ABCC4: variants seen among roughly 807,000 people sequenced by gnomAD.
ABCC4 encodes the protein ATP binding cassette subfamily C member 4 (PEL blood group).
In ABCC4, 102 loss-of-function variants were observed where a neutral mutation model predicts 168.5. The observed-to-expected ratio is 0.61, with a 90% confidence interval of 0.52 to 0.71. The LOEUF is 0.71. Among genes scored for constraint, ABCC4 ranks in the 30% least tolerant of loss-of-function variants. ABCC4 has a pLI of 0.00. For missense variants in ABCC4, 1,402 were observed against 1,605.8 expected (o/e 0.87, Z 2.17); for synonymous variants, 617 against 590.7 (o/e 1.04, Z -0.65).
At chr13:95,173,899 T>C (rs2037568606) in intron 13 of ABCC4, among the ~76,000 whole-genome samples, 1 of 152,234 alleles carries the variant, frequency 6.6e-6, no homozygotes, top group South Asian at 2.1e-4. Context: ...CAGCTGTCTA[T>C]GAACCAGAGC....
intron 4 of ABCC4, among the ~76,000 whole-genome samples, chr13:95,220,153 A>C (rs2039273804): frequency 6.6e-6 from 1 of 150,500 alleles, no homozygotes; most frequent in Non-Finnish European, 1.5e-5. Context: ...GGTGTGAACC[A>C]ACGTGCCCAG....
intron 26 of ABCC4, among the ~76,000 whole-genome samples, chr13:95,061,749 A>C (rs372027779): frequency 5.3e-5 from 8 of 152,098 alleles, no homozygotes; most frequent in African/African-American, 1.9e-4. Flanking sequence ...GGAGGTGTTA[A>C]AGTGAAGGAC....
chr13:95,276,049 T>C (rs1213210776), intron 1 of ABCC4, among the ~76,000 whole-genome samples: 1 of 152,132 alleles, frequency 6.6e-6, no homozygotes, highest in Non-Finnish European at 1.5e-5. Context: ...ACATGGTCTG[T>C]TAAAGGGCTT....
At chr13:95,041,309 A>AACTC (rs1346792584) in intron 29 of ABCC4, among the ~76,000 whole-genome samples, 12 of 152,234 alleles carry the variant, frequency 7.9e-5, no homozygotes, top group African/African-American at 2.7e-4. Flanking sequence ...AACTGGGTAA[A>AACTC]TCCCTTTGGA....
chr13:95,059,125 G>T (rs1232948780), intron 26 of ABCC4, among the ~76,000 whole-genome samples: 1 of 152,214 alleles, frequency 6.6e-6, no homozygotes, highest in Non-Finnish European at 1.5e-5. Context: ...GTTCTGATCG[G>T]GGACTGCGCC....
chr13:95,291,009 A>AAAAG (rs1394530639), intron 1 of ABCC4, among the ~76,000 whole-genome samples: 2 of 123,354 alleles, frequency 1.6e-5, no homozygotes, highest in African/African-American at 2.6e-5. Context: ...AAAAAAAAAA[A>AAAAG]AGAGGAAACC....
intron 1 of ABCC4, among the ~76,000 whole-genome samples, chr13:95,248,778 G>T (rs1037061431): frequency 3.3e-5 from 5 of 152,136 alleles, no homozygotes; most frequent in African/African-American, 1.2e-4. Flanking sequence ...GCTGGGCAGT[G>T]GCTCATGCCT....
rs1032778029 is a variant in ABCC4, at chr13:95,092,981, G to A, written c.2536-9691C>T. Among the ~76,000 whole-genome samples the A allele has an allele frequency of 3.3e-5, 5 of 152,110 alleles. 1 individual carries two copies. The South Asian group carries it at 1.0e-3, about 32-fold the overall frequency. ...TTCCTGGAAAAATACAACCCTCCTA[G>A]CTTAAATCAGGAAGAATTAGATACC... On this transcript the variant is annotated intron_variant, in intron 20 of 30. Transcript: ENST00000645237.
chr13:95,054,886 A>G (rs1456668530), intron 26 of ABCC4, among the ~76,000 whole-genome samples: 1 of 152,156 alleles, frequency 6.6e-6, no homozygotes, highest in African/African-American at 2.4e-5. Flanking sequence ...CCCTTTCCCT[A>G]TCGTCTCCGT....
intron 1 of ABCC4, among the ~76,000 whole-genome samples, chr13:95,259,679 A>G (rs7320375): frequency 0.098 from 14,979 of 152,244 alleles, 1,622 homozygotes; most frequent in African/African-American, 0.26. Context: ...ATCTTAAATC[A>G]AATGTTGACC....
At chr13:95,237,396 A>G (rs888342851) in intron 3 of ABCC4, among the ~76,000 whole-genome samples, 5 of 152,196 alleles carry the variant, frequency 3.3e-5, no homozygotes, top group African/African-American at 1.2e-4. Flanking sequence ...TATCAGTACC[A>G]AGGTCAAAAG....
At chr13:95,082,450 T>A (rs115803799) in intron 21 of ABCC4, among the ~76,000 whole-genome samples, 1 of 152,228 alleles carries the variant, frequency 6.6e-6, no homozygotes, top group South Asian at 2.1e-4. Flanking sequence ...TAAACTGATA[T>A]ATCTCCTTGT....
At chr13:95,137,336 G>A (rs2036174156) in intron 19 of ABCC4, among the ~76,000 whole-genome samples, 1 of 152,206 alleles carries the variant, frequency 6.6e-6, no homozygotes, top group Non-Finnish European at 1.5e-5. Context: ...ACAGGCCTCA[G>A]CTGCTACAGG....
At chr13:95,231,223 G>A (rs2039613103) in intron 4 of ABCC4, among the ~76,000 whole-genome samples, 1 of 152,182 alleles carries the variant, frequency 6.6e-6, no homozygotes, top group African/African-American at 2.4e-5. Context: ...GCACAATGAT[G>A]TGAATGTACT....
intron 20 of ABCC4, among the ~76,000 whole-genome samples, chr13:95,084,924 C>T (rs913180861): frequency 1.3e-5 from 2 of 152,206 alleles, no homozygotes; most frequent in Non-Finnish European, 2.9e-5. Context: ...CAGTATTCAT[C>T]TTTATTAGGA....
chr13:95,021,724 T>A lies in ABCC4; in HGVS notation c.3871-42A>T, dbSNP rs762384599. 33 of 1,398,770 alleles carry A rather than the reference T, an allele frequency of 2.4e-5. 1 individual carries two copies. In the East Asian group the frequency reaches 3.0e-4, roughly 13 times the overall value. 86.6% of individuals were successfully genotyped at this position (1,398,770 alleles called of 1,614,324 possible). A position where few individuals can be genotyped will look rare whatever the true frequency, so the allele number is the denominator to read the frequency against. On this transcript the variant is annotated intron_variant, in intron 30 of 30. Transcript: ENST00000645237. ...TAAGCATAAAAAGAATGTTTCAAAA[T>A]TTTAAAGTCTCCTCCCTGAAACAAT...
intron 19 of ABCC4, among the ~76,000 whole-genome samples, chr13:95,128,231 A>G (rs2035849961): frequency 6.6e-6 from 1 of 152,218 alleles, no homozygotes; most frequent in Non-Finnish European, 1.5e-5. Context: ...CAGTCAAATA[A>G]GAGTCTGTCA....
intron 8 of ABCC4, among the ~76,000 whole-genome samples, chr13:95,203,195 G>A (rs1401682568): frequency 6.6e-6 from 1 of 152,096 alleles, no homozygotes; most frequent in African/African-American, 2.4e-5. Context: ...AAGCCCCATG[G>A]TCTTGATCTT....
intron 9 of ABCC4, among the ~76,000 whole-genome samples, chr13:95,189,307 G>T (rs1163192611): frequency 2.1e-4 from 32 of 150,382 alleles, no homozygotes; most frequent in Admixed American, 4.6e-4. Context: ...CTAATTTTTT[G>T]TATTTTTAGT....
Sources: gnomAD v4.1 joint callset for allele counts (sites outside exome capture counted in the v4.1 genomes callset) on GRCh38, gnomAD v4.1.1 for gene constraint, MANE v1.5 for transcripts, NCBI Gene and HGNC (gene_info 2026-07-23, HGNC 2026-07-21) for gene names.